TMEM74: variants seen among roughly 807,000 people sequenced by gnomAD.
TMEM74 encodes transmembrane protein 74.
TMEM74 carries 13 observed loss-of-function variants against 18.1 expected under a neutral mutation model. The observed-to-expected ratio is 0.72, with a 90% CI of 0.47 to 1.14. The LOEUF (loss-of-function observed/expected upper bound fraction) is 1.14. TMEM74 is among the 50% of genes most tolerant of loss of function. The pLI, the probability that TMEM74 is intolerant of heterozygous loss-of-function variation, is 0.00. For synonymous variants in TMEM74, 159 were observed against 146.6 expected (o/e 1.08, Z -0.61); for missense variants, 372 against 375.9 (o/e 0.99, Z 0.09).
At chr8:108,742,031 CA>C (rs1333055029) in intron 1 of TMEM74, among the ~76,000 whole-genome samples, 1 of 152,110 alleles carries the variant, frequency 6.6e-6, no homozygotes, top group African/African-American at 2.4e-5. Context: ...TTATCCTTAG[CA>C]AACTAATGCA....
intron 2 of TMEM74, among the ~76,000 whole-genome samples, chr8:108,622,281 C>G (rs769635539): frequency 1.4e-4 from 21 of 152,042 alleles, no homozygotes; most frequent in Non-Finnish European, 2.8e-4. Context: ...GGGTGAAACT[C>G]CCTCTATATT....
At chr8:108,705,854 C>CT (rs1319004922) in intron 1 of TMEM74, among the ~76,000 whole-genome samples, 2 of 152,210 alleles carry the variant, frequency 1.3e-5, no homozygotes, top group African/African-American at 4.8e-5. Flanking sequence ...CACAAGAGAA[C>CT]TTACAGTTTC....
chr8:108,708,207 C>T (rs992702061), intron 1 of TMEM74, among the ~76,000 whole-genome samples: 47 of 151,188 alleles, frequency 3.1e-4, no homozygotes, highest in African/African-American at 1.1e-3. Context: ...AACATGATCT[C>T]ATTCTTTTTT....
At chr8:108,627,941 G>A (rs549342804) in intron 2 of TMEM74, among the ~76,000 whole-genome samples, 8 of 152,102 alleles carry the variant, frequency 5.3e-5, no homozygotes, top group African/African-American at 1.9e-4. Context: ...TGTAATCCCA[G>A]CTACTCACGA....
chr8:108,774,300 T>A (rs757609427), downstream of TMEM74, among the ~76,000 whole-genome samples: 3 of 152,200 alleles, frequency 2.0e-5, no homozygotes, highest in Non-Finnish European at 2.9e-5. Flanking sequence ...GCTAACCAAC[T>A]GGACTGAAAA....
At chr8:108,651,131 ATT>A (rs1185092566) in intron 2 of TMEM74, among the ~76,000 whole-genome samples, 1 of 152,100 alleles carries the variant, frequency 6.6e-6, no homozygotes, top group Non-Finnish European at 1.5e-5. Context: ...CTGTATATTC[ATT>A]TTGTTTGACT....
At chr8:108,756,718 A>AGG (rs1343621004) in intron 1 of TMEM74, among the ~76,000 whole-genome samples, 15 of 91,098 alleles carry the variant, frequency 1.6e-4, no homozygotes, top group African/African-American at 1.7e-4. Flanking sequence ...GAAAGAAAGA[A>AGG]AGAGAAAGAA....
intron 1 of TMEM74, among the ~76,000 whole-genome samples, chr8:108,710,542 T>C (rs1386205851): frequency 6.6e-6 from 1 of 152,192 alleles, no homozygotes; most frequent in East Asian, 1.9e-4. Flanking sequence ...AGCAGATAGC[T>C]GAAAGAACAC....
At chr8:108,628,715 G>A (rs1334156046) in intron 2 of TMEM74, among the ~76,000 whole-genome samples, 1 of 151,970 alleles carries the variant, frequency 6.6e-6, no homozygotes, top group Non-Finnish European at 1.5e-5. Context: ...CACACTGTCT[G>A]CCATAATGGT....
Position 108,784,577 on chromosome 8 carries a change from T to C in TMEM74, c.522A>G (p.Ile174Met), listed in dbSNP as rs747091439. The C allele has an allele frequency of 3.1e-6, 5 of 1,614,144 alleles. No homozygotes were observed. In the South Asian group the frequency reaches 5.5e-5, roughly 18 times the overall value. The part of the protein sequence containing the change: ...SSEATSSGKS[I>M]DYGFISAILF... ...AGATGGCGCTGATGAAACCATAGTCTATAGACTTCCCTGAAGACGTGGCTT... is the reference window on the plus strand; with the variant it reads ...AGATGGCGCTGATGAAACCATAGTCCATAGACTTCCCTGAAGACGTGGCTT... The change falls in exon 2 of 2, where the codon ATA becomes ATG. Residue 174 changes from isoleucine (I) to methionine (M), a missense_variant. Coordinates refer to ENST00000297459, the MANE Select transcript of TMEM74 (RefSeq NM_153015.3).
downstream of TMEM74, among the ~76,000 whole-genome samples, chr8:108,778,735 AG>A (rs1199845402): frequency 6.6e-6 from 1 of 152,228 alleles, no homozygotes; most frequent in Non-Finnish European, 1.5e-5. Flanking sequence ...TTAGATTAAA[AG>A]CAGGTGCATA....
intron 2 of TMEM74, among the ~76,000 whole-genome samples, chr8:108,620,917 TC>T (rs1267509916): frequency 6.6e-6 from 1 of 152,126 alleles, no homozygotes; most frequent in African/African-American, 2.4e-5. Flanking sequence ...TGTTTATCTT[TC>T]AGTTTGAGGA....
intron 1 of TMEM74, among the ~76,000 whole-genome samples, chr8:108,751,368 A>G (rs1210374502): frequency 2.0e-5 from 3 of 152,150 alleles, no homozygotes; most frequent in Admixed American, 1.3e-4. Context: ...ACTTTGTAGC[A>G]CAGTAGAAAT....
chr8:108,724,674 T>C (rs1322728491), intron 1 of TMEM74, among the ~76,000 whole-genome samples: 1 of 152,152 alleles, frequency 6.6e-6, no homozygotes, highest in East Asian at 1.9e-4. Flanking sequence ...AAGTTAAAAT[T>C]GCTTATACCT....
chr8:108,631,842 G>T (rs909407562), intron 2 of TMEM74, among the ~76,000 whole-genome samples: 1 of 151,854 alleles, frequency 6.6e-6, no homozygotes, highest in South Asian at 2.1e-4. Flanking sequence ...TTCTACTTTT[G>T]TTTTGACCAA....
chr8:108,727,164 G>A (rs1813647105), intron 1 of TMEM74, among the ~76,000 whole-genome samples: 1 of 152,148 alleles, frequency 6.6e-6, no homozygotes, highest in Non-Finnish European at 1.5e-5. Context: ...ATCTTGATGG[G>A]CCACTTAAGG....
chr8:108,652,077 T>C (rs1812780171), intron 2 of TMEM74, among the ~76,000 whole-genome samples: 2 of 151,768 alleles, frequency 1.3e-5, no homozygotes, highest in Non-Finnish European at 1.5e-5. Context: ...GTTAGATTTT[T>C]ATAATTGGAT....
At chr8:108,760,285 G>A (rs1814029489) in intron 1 of TMEM74, among the ~76,000 whole-genome samples, 1 of 151,854 alleles carries the variant, frequency 6.6e-6, no homozygotes, top group African/African-American at 2.4e-5. Context: ...ATTGCAAGTG[G>A]AACTTCCAGC....
intron 2 of TMEM74, among the ~76,000 whole-genome samples, chr8:108,635,542 A>T (rs1466888093): frequency 6.6e-6 from 1 of 152,036 alleles, no homozygotes; most frequent in Non-Finnish European, 1.5e-5. Context: ...ATTTCTTACT[A>T]TTCTTTTAAA....
Sources: allele counts gnomAD v4.1 joint callset (sites outside exome capture counted in the v4.1 genomes callset), GRCh38; gene constraint gnomAD v4.1.1; transcripts MANE v1.5; gene names NCBI Gene and HGNC (gene_info 2026-07-23, HGNC 2026-07-21).